Variants in SNUPN observed in about 807,000 individuals in gnomAD.
SNUPN encodes the protein snurportin-1.
In SNUPN, 31 loss-of-function variants were observed where a neutral mutation model predicts 39.2. That is an observed-to-expected ratio of 0.79 (90% CI 0.59 to 1.07). SNUPN has a LOEUF of 1.07. Ranked by LOEUF, SNUPN falls within the 50% of genes least tolerant of loss-of-function variation. The pLI is 0.00. For synonymous variants in SNUPN, 132 were observed against 159.0 expected (o/e 0.83, Z 1.28); for missense variants, 382 against 434.2 (o/e 0.88, Z 1.07).
At chr15:75,607,417 C>A in intron 5 of SNUPN, 104 bp from the exon 6 acceptor site, 2 of 752,794 alleles carry the variant, frequency 2.7e-6, no homozygotes, top group East Asian at 5.1e-5. Flanking sequence ...TCCAACAATC[C>A]TCAGTGCTTG....
chr15:75,611,313 C>T (rs1265289126), intron 3 of SNUPN, among the ~76,000 whole-genome samples: 18 of 149,910 alleles, frequency 1.2e-4, no homozygotes, highest in East Asian at 2.1e-4. Context: ...AGTGCAGTGG[C>T]GCTATCTCAG....
intron 5 of SNUPN, among the ~76,000 whole-genome samples, chr15:75,608,169 C>T (rs1001967161): frequency 1.3e-5 from 2 of 151,984 alleles, no homozygotes; most frequent in African/African-American, 2.4e-5. Flanking sequence ...TGGCTTTGAG[C>T]CCAGGAGTTT....
rs1443631300 is a variant in SNUPN at position 75,617,570 on chromosome 15, G to C, written c.159-18C>G. ...GCCGCTTGCTGGAAGGAAAAAAAAG[G>C]CATAAGGACATATCTTTTCTTCTTT... On this transcript the variant is annotated intron_variant, in intron 2 of 8. Coordinates refer to ENST00000308588, the MANE Select transcript of SNUPN (RefSeq NM_005701.4). 4 of 1,596,066 alleles carry C rather than the reference G, an allele frequency of 2.5e-6. No homozygotes were observed. In the East Asian group the frequency reaches 8.9e-5, roughly 36 times the overall value.
chr15:75,617,991 A>G (rs1350207823), intron 2 of SNUPN, among the ~76,000 whole-genome samples: 2 of 152,192 alleles, frequency 1.3e-5, no homozygotes, highest in Non-Finnish European at 2.9e-5. Context: ...GTAAGAAATG[A>G]TGGAATCTCC....
At position 75,609,625 on chromosome 15, in the gene SNUPN, A is replaced by T; in HGVS notation, c.435T>A (p.Ser145Arg). 1 of 1,612,996 alleles carries T rather than the reference A, an allele frequency of 6.2e-7. No individual in the cohort carries two copies. The stretch of plus-strand genomic sequence containing the variant: ...AAGAAAACCTGTTGACACAGTAGCC[A>T]CTCTTGGTGTAGGCACTGGTAGAAC... ...SRGSTSAYTKSGYCVNRFSSL... is the reference protein window; with the variant it reads ...SRGSTSAYTKRGYCVNRFSSL... Residue 145 changes from serine (S) to arginine (R), a missense_variant, in exon 5 of 9, where the codon AGT becomes AGA. Transcript: ENST00000308588.
At chr15:75,622,317 T>C in intron 1 of SNUPN, 1 of 985,116 alleles carries the variant, frequency 1.0e-6, no homozygotes. Context: ...AAAGAAGGTT[T>C]CAGGGCTACT....
chr15:75,613,123 G>A (rs1258295632), intron 3 of SNUPN, among the ~76,000 whole-genome samples: 1 of 151,974 alleles, frequency 6.6e-6, no homozygotes, highest in Non-Finnish European at 1.5e-5. Flanking sequence ...GCCGGGCGCG[G>A]TGGCGGGCAC....
rs749201925 is a variant in SNUPN, at chr15:75,598,368, A to C, written c.1073T>G (p.Met358Arg). The change falls in exon 9 of 9, where the codon ATG becomes AGG. Residue 358 changes from methionine (M) to arginine (R), a missense_variant. Transcript: ENST00000308588. ...SHSPDHPGCL[M>R]EN The stretch of plus-strand genomic sequence containing the variant: ...AGGAGGCTTCTCTCTTTAATTCTCC[A>C]TGAGGCATCCAGGGTGGTCTGGGCT... The C allele has an allele frequency of 1.2e-6, 2 of 1,613,332 alleles. No homozygotes were observed. The highest frequency in any genetic ancestry group is 1.7e-6 in the Non-Finnish European group (2 of 1,179,544).
Position 75,609,671 on chromosome 15 carries a change from C to A in SNUPN, c.409-20G>T. The A allele has an allele frequency of 1.3e-6, 2 of 1,574,972 alleles. No individual in the cohort carries two copies. The highest frequency in any genetic ancestry group is 1.7e-6 in the Non-Finnish European group (2 of 1,152,504). The stretch of plus-strand genomic sequence containing the variant: ...AGAACCCTGCATGGAGAGAAAGTTA[C>A]CATTCTTATTAGACCTCAAGGTCTC... On this transcript the variant is annotated intron_variant, in intron 4 of 8. Transcript: ENST00000308588.
At chr15:75,621,940 G>A (rs1433824142) in intron 1 of SNUPN, among the ~76,000 whole-genome samples, 2 of 152,198 alleles carry the variant, frequency 1.3e-5, no homozygotes, top group Non-Finnish European at 2.9e-5. Context: ...GGAGGCTGAG[G>A]CAGAAGAATC....
intron 7 of SNUPN, 55 bp from the exon 8 acceptor site, chr15:75,601,273 G>A (rs1365619351): frequency 1.6e-6 from 2 of 1,267,084 alleles, no homozygotes; most frequent in Admixed American, 1.7e-5. Flanking sequence ...ACTGGCCCAA[G>A]CAATTGAAAA....
chr15:75,617,388 A>G lies in SNUPN; in HGVS notation c.303+20T>C, dbSNP rs1343550580. The G allele has an allele frequency of 3.1e-6, 5 of 1,610,284 alleles. No individual in the cohort carries two copies. Among genetic ancestry groups the G allele is most frequent in the African/African-American group, 2.7e-5 (2 of 74,742 alleles). On this transcript the variant is annotated intron_variant, in intron 3 of 8. Transcript: ENST00000308588. ...AAGGGAGTGAGATTAGCTGGGTCTC[A>G]TCTTCTCTGGACCACTTACTTGATT...
At chr15:75,613,410 C>T (rs1892846438) in intron 3 of SNUPN, among the ~76,000 whole-genome samples, 1 of 151,610 alleles carries the variant, frequency 6.6e-6, no homozygotes. Flanking sequence ...TTTGGGAGGC[C>T]GAGGTGGGCG....
At chr15:75,606,655 A>T (rs56178382) in intron 6 of SNUPN, among the ~76,000 whole-genome samples, 24,812 of 152,136 alleles carry the variant, frequency 0.16, 2,714 homozygotes, top group Non-Finnish European at 0.24. Context: ...ATGGTGAAAC[A>T]GAAGGGGAGA....
At chr15:75,624,229 T>C (rs981452515) in intron 1 of SNUPN, among the ~76,000 whole-genome samples, 1 of 150,530 alleles carries the variant, frequency 6.6e-6, no homozygotes, top group African/African-American at 2.4e-5. Flanking sequence ...GCCCGGCCGA[T>C]AAAAATTTTT....
intron 6 of SNUPN, 138 bp downstream of exon 6, chr15:75,607,078 G>T: frequency 1.4e-6 from 1 of 698,106 alleles, no homozygotes. Context: ...GATGCAGGGA[G>T]CATTAGATAA....
intron 5 of SNUPN, among the ~76,000 whole-genome samples, chr15:75,609,141 A>C (rs1892707813): frequency 6.6e-6 from 1 of 151,260 alleles, no homozygotes; most frequent in African/African-American, 2.4e-5. Flanking sequence ...AAAAAACAAA[A>C]AAAAAAAACA....
chr15:75,606,528 G>C (rs970632529), intron 6 of SNUPN, among the ~76,000 whole-genome samples: 1 of 152,060 alleles, frequency 6.6e-6, no homozygotes, highest in Non-Finnish European at 1.5e-5. Flanking sequence ...ATACAACTGG[G>C]ACAATGACGG....
rs143853469 is a variant in SNUPN at position 75,621,067 on chromosome 15, A to T, written c.-5-11T>A. ...ACTCTTCCATCTTCCCTACAAAGGA[A>T]AACGTAAGAAAATGGTTCATTCATT... is the stretch of plus-strand genomic sequence containing the variant. On this transcript the variant is annotated splice_polypyrimidine_tract_variant and intron_variant, in intron 1 of 8. Transcript: ENST00000308588. 2.5e-4 allele frequency: 402 copies of T among 1,613,468 alleles called. 3 individuals are homozygous for T. In the South Asian group the frequency reaches 3.5e-3, roughly 14 times the overall value.
Sources: allele counts gnomAD v4.1 joint callset (sites outside exome capture counted in the v4.1 genomes callset), GRCh38; gene constraint gnomAD v4.1.1; transcripts MANE v1.5; gene names NCBI Gene and HGNC (gene_info 2026-07-23, HGNC 2026-07-21).